The following FLACC1 variants were observed in gnomAD, a reference collection of about 807,000 sequenced individuals.
FLACC1 encodes the protein flagellum associated containing coiled-coil domains 1.
In FLACC1, 66 loss-of-function variants were observed where a neutral mutation model predicts 62.8. The observed-to-expected ratio is 1.05, with a 90% CI of 0.86 to 1.29. The LOEUF (loss-of-function observed/expected upper bound fraction) is 1.29. Ranked by LOEUF, FLACC1 falls within the 50% of genes most tolerant of loss-of-function variation. FLACC1 has a pLI of 0.00. For synonymous variants in FLACC1, 156 were observed against 161.0 expected, an observed-to-expected ratio of 0.97 and a Z score of 0.24; for missense variants, 452 against 489.1, an observed-to-expected ratio of 0.92 and a Z score of 0.71.
At chr2:201,300,219 C>T (rs1287838266) in intron 11 of FLACC1, among the ~76,000 whole-genome samples, 1 of 152,200 alleles carries the variant, frequency 6.6e-6, no homozygotes, top group Non-Finnish European at 1.5e-5. Context: ...CGGGTCACTC[C>T]CACCCTAATA....
intron 9 of FLACC1, among the ~76,000 whole-genome samples, chr2:201,325,696 A>G (rs925513391): frequency 2.6e-5 from 4 of 152,156 alleles, no homozygotes; most frequent in Non-Finnish European, 5.9e-5. Context: ...CAAGAACAAC[A>G]AAAAAAGCCC....
chr2:201,358,455 C>T (rs1951151621), upstream of FLACC1, among the ~76,000 whole-genome samples: 2 of 140,636 alleles, frequency 1.4e-5, no homozygotes, highest in Non-Finnish European at 3.0e-5. Flanking sequence ...CTCGCTCTGT[C>T]ACCCAGGCTG....
chr2:201,342,036 C>A (rs558549018), intron 7 of FLACC1, among the ~76,000 whole-genome samples: 4 of 152,074 alleles, frequency 2.6e-5, no homozygotes, highest in Non-Finnish European at 4.4e-5. Flanking sequence ...GGAGGAGGAG[C>A]CTTGGCTGAG....
At chr2:201,302,184 C>G (rs1041050370) in intron 11 of FLACC1, among the ~76,000 whole-genome samples, 5 of 152,054 alleles carry the variant, frequency 3.3e-5, no homozygotes, top group Admixed American at 2.0e-4. Flanking sequence ...TGCAGGAGAC[C>G]CATCTCACGT....
chr2:201,355,427 T>C (rs765995382), intron 1 of FLACC1, among the ~76,000 whole-genome samples: 4 of 152,184 alleles, frequency 2.6e-5, no homozygotes, highest in Non-Finnish European at 5.9e-5. Flanking sequence ...CAGAGGTAAA[T>C]TGTATGGGTG....
chr2:201,345,659 G>T (rs1040134050), intron 5 of FLACC1, among the ~76,000 whole-genome samples: 1 of 152,144 alleles, frequency 6.6e-6, no homozygotes, highest in African/African-American at 2.4e-5. Flanking sequence ...ATGAATAAGA[G>T]ATTAAAGGGT....
chr2:201,296,105 G>C (rs569809416), intron 12 of FLACC1, among the ~76,000 whole-genome samples: 2 of 152,226 alleles, frequency 1.3e-5, no homozygotes, highest in South Asian at 4.2e-4. Flanking sequence ...TCAGTGTGGC[G>C]ATTCCTCAGG....
chr2:201,351,079 G>C (rs1435917109), intron 2 of FLACC1, among the ~76,000 whole-genome samples: 1 of 152,212 alleles, frequency 6.6e-6, no homozygotes, highest in African/African-American at 2.4e-5. Flanking sequence ...CCAACACTGA[G>C]ACTTCCTCAT....
At chr2:201,325,783 G>A (rs564872257) in intron 9 of FLACC1, among the ~76,000 whole-genome samples, 162 of 152,152 alleles carry the variant, frequency 1.1e-3, no homozygotes, top group Middle Eastern at 0.01. Context: ...AAACAATTCC[G>A]AAAGATTGAG....
intron 1 of FLACC1, among the ~76,000 whole-genome samples, chr2:201,355,456 G>A (rs1196899528): frequency 2.0e-5 from 3 of 152,014 alleles, no homozygotes; most frequent in Non-Finnish European, 2.9e-5. Flanking sequence ...ACTCAGTGGA[G>A]TTTTACATAG....
At chr2:201,319,234 A>G (rs971698328) in intron 9 of FLACC1, among the ~76,000 whole-genome samples, 3 of 152,244 alleles carry the variant, frequency 2.0e-5, no homozygotes, top group African/African-American at 7.2e-5. Flanking sequence ...GATCTTCAAC[A>G]AAGTAGACAA....
intron 9 of FLACC1, among the ~76,000 whole-genome samples, chr2:201,319,770 T>C (rs577141436): frequency 1.3e-5 from 2 of 152,344 alleles, no homozygotes; most frequent in African/African-American, 4.8e-5. Flanking sequence ...ATTAGAGGCA[T>C]TGCTAGCATA....
intron 9 of FLACC1, among the ~76,000 whole-genome samples, chr2:201,312,852 C>T (rs1438330052): frequency 1.3e-5 from 2 of 152,164 alleles, no homozygotes; most frequent in Non-Finnish European, 2.9e-5. Context: ...GTGGATTGCT[C>T]CCGTAGGACC....
intron 6 of FLACC1, 124 bp from the exon 7 acceptor site, chr2:201,342,555 C>A: frequency 1.2e-6 from 1 of 837,042 alleles, no homozygotes; most frequent in Non-Finnish European, 2.0e-6. Context: ...GGCACAGCCC[C>A]CTTCCCACCC....
chr2:201,307,093 G>A (rs1195308681), intron 11 of FLACC1, among the ~76,000 whole-genome samples: 3 of 152,134 alleles, frequency 2.0e-5, no homozygotes, highest in Non-Finnish European at 4.4e-5. Context: ...GAAAAAAATG[G>A]TACAACTACT....
intron 9 of FLACC1, among the ~76,000 whole-genome samples, chr2:201,330,059 G>A (rs1290888174): frequency 1.3e-5 from 2 of 152,096 alleles, no homozygotes; most frequent in African/African-American, 4.8e-5. Context: ...CATTATAAAG[G>A]AGGGAAAAGT....
chr2:201,343,552 C>G (rs1472838193), intron 6 of FLACC1, among the ~76,000 whole-genome samples: 2 of 152,256 alleles, frequency 1.3e-5, no homozygotes, highest in East Asian at 3.9e-4. Context: ...GGAAGTAAAA[C>G]TTCACAGATG....
chr2:201,349,206 G>A (rs993894066), intron 3 of FLACC1, among the ~76,000 whole-genome samples: 9 of 152,020 alleles, frequency 5.9e-5, no homozygotes, highest in African/African-American at 1.4e-4. Flanking sequence ...CTGCTCACTC[G>A]CTCCGCTCAT....
intron 7 of FLACC1, among the ~76,000 whole-genome samples, chr2:201,331,881 T>C (rs189331754): frequency 6.6e-6 from 1 of 152,330 alleles, no homozygotes; most frequent in African/African-American, 2.4e-5. Flanking sequence ...TGTGTCAATA[T>C]AGGTTCATTG....
Sources: allele counts gnomAD v4.1 joint callset (sites outside exome capture counted in the v4.1 genomes callset), GRCh38; gene constraint gnomAD v4.1.1; transcripts MANE v1.5; gene names NCBI Gene and HGNC (gene_info 2026-07-23, HGNC 2026-07-21).